Variants in ARHGAP45 observed in about 807,000 individuals in gnomAD.
ARHGAP45 encodes Rho GTPase activating protein 45, also known as rho GTPase-activating protein 45.
A neutral mutation model predicts 116.1 loss-of-function variants in ARHGAP45; 56 were observed. That is an observed-to-expected ratio of 0.48 (90% CI 0.39 to 0.60). ARHGAP45 has a LOEUF of 0.60. Among genes scored for constraint, ARHGAP45 ranks in the 20% least tolerant of loss-of-function variants. ARHGAP45 has a pLI of 0.00. For synonymous variants in ARHGAP45, 866 were observed against 701.7 expected (o/e 1.23, Z -3.70); for missense variants, 1,622 against 1,601.0 (o/e 1.01, Z -0.22).
rs1332814731 is a variant in ARHGAP45, at chr19:1,071,897, C to G, written c.422-1252C>G. 1 of 152,232 alleles carries G rather than the reference C, an allele frequency of 6.6e-6. No individual in the cohort carries two copies. The highest frequency in any genetic ancestry group is 1.5e-5 in the Non-Finnish European group (1 of 68,080). The allele number at this position is 152,232 out of a possible 1,614,324, so 9.4% of individuals were successfully genotyped here. A position where few individuals can be genotyped will look rare whatever the true frequency, so the allele number is the denominator to read the frequency against. On this transcript the variant is annotated intron_variant, in intron 2 of 22. Coordinates refer to ENST00000313093, the MANE Select transcript of ARHGAP45 (RefSeq NM_012292.5). The surrounding 1 kb of genome is among the most constrained non-coding windows in gnomAD (Gnocchi z 4.6). ...CGGTACAGTCAGGCGTCAAAGCTGC[C>G]CCTCCCGCTGGCCTCTGTCCTCCCG...
Position 1,074,886 on chromosome 19 carries a change from C to A in ARHGAP45, c.1185+7C>A, listed in dbSNP as rs1282670613. The stretch of plus-strand genomic sequence containing the variant: ...CCGTGCCCAGAGGAAGCTGGTGAGG[C>A]GGGCGGGCGGGGGCGGGCGGGGGCG... On this transcript the variant is annotated splice_region_variant and intron_variant, in intron 10 of 22. Transcript: ENST00000313093. 1.9e-5 allele frequency: 2 copies of A among 104,156 alleles called. No individual in the cohort carries two copies. The highest frequency in any genetic ancestry group is 8.9e-5 in the African/African-American group (1 of 11,268). The allele number at this position is 104,156 out of a possible 1,614,324, so 6.5% of individuals were successfully genotyped here. A position where few individuals can be genotyped will look rare whatever the true frequency, so the allele number is the denominator to read the frequency against.
At position 1,085,913 on chromosome 19, in the gene ARHGAP45, C is replaced by A. The variant is rs147739351; in HGVS notation, c.3318C>A (p.Asn1106Lys). Residue 1106 changes from asparagine (N) to lysine (K), a missense_variant, in exon 23 of 23, where the codon AAC becomes AAA. Transcript: ENST00000313093. Reference protein sequence around the residue: ...QLSGFNTNQSNNVLQAPLPPM... With the variant: ...QLSGFNTNQSKNVLQAPLPPM... ...CAGGATTCAACACCAACCAGTCCAA[C>A]AACGTGCTGCAGGCCCCACTGCCCC... 438 of 1,612,972 alleles carry A rather than the reference C, an allele frequency of 2.7e-4. 4 individuals are homozygous for A. The highest frequency in any genetic ancestry group is 1.7e-3 in the South Asian group (152 of 91,088).
Position 1,073,736 on chromosome 19 carries a change from A to C in ARHGAP45, c.713A>C (p.Asp238Ala). 1 of 1,592,028 alleles carries C rather than the reference A, an allele frequency of 6.3e-7. No homozygotes were observed. The highest frequency in any genetic ancestry group is 8.6e-7 in the Non-Finnish European group (1 of 1,169,072). The change falls in exon 5 of 23, where the codon GAC becomes GCC. Residue 238 changes from aspartate (D) to alanine (A), a missense_variant. By Grantham distance (126) the Asp-to-Ala change is moderately radical. This residue lies in a region of ARHGAP45 where 1,334 missense variants were observed against 1,263.8 expected (regional missense o/e 1.06). Transcript: ENST00000313093. Reference sequence around the variant, plus strand: ...ACCCTCCTAGCAGTGCCTCCTGGGGACTCGAGCCAGGTGAGTGGGGTGGGC... The same window carrying C: ...ACCCTCCTAGCAGTGCCTCCTGGGGCCTCGAGCCAGGTGAGTGGGGTGGGC... Reference protein sequence around the residue: ...SSTLLAVPPGDSSQSMESLYG... With the variant: ...SSTLLAVPPGASSQSMESLYG...
At chr19:1,084,108 G>T (rs2043526457) in intron 21 of ARHGAP45, 130 bp from the exon 22 acceptor site, 1 of 818,538 alleles carries the variant, frequency 1.2e-6, no homozygotes, top group Admixed American at 2.0e-5. Flanking sequence ...GTTTGCTCTT[G>T]GCTGAGGACA....
chr19:1,074,691 G>C lies in ARHGAP45; in HGVS notation c.1071G>C (p.Ala357=), dbSNP rs761422984. Residue 357 remains alanine (A), a synonymous_variant, in exon 9 of 23, where the codon GCG becomes GCC. Coordinates refer to ENST00000313093, the MANE Select transcript of ARHGAP45 (RefSeq NM_012292.5). ...DLEFGHSMVQ[A]VGTLQTQTFM... ...AGTTCGGCCACAGCATGGTGCAGGC[G>C]GTGGGCACCTTGCAGACCCAGACCT... is the stretch of plus-strand genomic sequence containing the variant. 2 of 1,610,792 alleles carry C rather than the reference G, an allele frequency of 1.2e-6. No homozygotes were observed. Among genetic ancestry groups the C allele is most frequent in the Non-Finnish European group, 8.5e-7 (1 of 1,179,336 alleles).
intron 19 of ARHGAP45, among the ~76,000 whole-genome samples, chr19:1,082,263 T>G (rs984614507): frequency 2.5e-5 from 2 of 79,180 alleles, no homozygotes; most frequent in Non-Finnish European, 2.2e-5. Flanking sequence ...GAGGCACACC[T>G]GACGCTGTGC....
chr19:1,066,298 G>T, upstream of ARHGAP45: 1 of 802,056 alleles, frequency 1.2e-6, no homozygotes, highest in South Asian at 1.8e-5. Context: ...TTGGGGGAAG[G>T]TAGGAGGCTG....
At chr19:1,073,868 G>A in intron 5 of ARHGAP45, 80 bp from the exon 6 acceptor site, 1 of 1,528,736 alleles carries the variant, frequency 6.5e-7, no homozygotes, top group East Asian at 2.4e-5. Flanking sequence ...CTCTGGGGGA[G>A]GCAGCAACCG....
intron 19 of ARHGAP45, 79 bp from the exon 20 acceptor site, chr19:1,082,761 C>T: frequency 1.6e-6 from 2 of 1,254,590 alleles, no homozygotes; most frequent in South Asian, 1.6e-5. Context: ...GGGGGTGGGG[C>T]TGAGGCTGGG....
intron 10 of ARHGAP45, chr19:1,077,239 G>C (rs1599760717): frequency 1.0e-6 from 1 of 985,402 alleles, no homozygotes; most frequent in African/African-American, 1.7e-5. Context: ...CGTGGGGGCT[G>C]GTGTGCGTGT....
At position 1,083,002 on chromosome 19, in the gene ARHGAP45, C is replaced by T; in HGVS notation, c.2680C>T (p.Leu894Phe). Residue 894 changes from leucine (L) to phenylalanine (F), a missense_variant, in exon 20 of 23, where the codon CTC (leucine) becomes TTC (phenylalanine). Around this residue, in one of 3 missense-constraint regions of ARHGAP45, gnomAD observed 1,334 missense variants for 1,263.8 expected, o/e 1.06. Transcript: ENST00000313093. Reference sequence around the variant, plus strand: ...GGCCCTGGCAGGTCGGCTGCGGGAGCTCCTGCGGGACCTGCCGCCTGAGAA... The same window carrying T: ...GGCCCTGGCAGGTCGGCTGCGGGAGTTCCTGCGGGACCTGCCGCCTGAGAA... ...AVALAGRLRE[L>F]LRDLPPENRA... The T allele has an allele frequency of 1.3e-6, 2 of 1,547,120 alleles. No homozygotes were observed. The highest frequency in any genetic ancestry group is 3.7e-4 in the Middle Eastern group (2 of 5,450).
rs371624464 is a variant in ARHGAP45, at chr19:1,071,030, C to T, written c.422-2119C>T. ...AGGGGACCCACATGGACGGTGCCAC[C>T]CCGACACTTCCCGGGCTTCCTCGTT... On this transcript the variant is annotated intron_variant, in intron 2 of 22. Transcript: ENST00000313093. The surrounding 1 kb of genome is among the most constrained non-coding windows in gnomAD (Gnocchi z 4.6). 1.3e-5 allele frequency among the ~76,000 whole-genome samples: 2 copies of T among 152,346 alleles called. No individual in the cohort carries two copies. The highest frequency in any genetic ancestry group is 3.9e-4 in the East Asian group (2 of 5,178).
chr19:1,080,592 C>T lies in ARHGAP45; in HGVS notation c.1912+45C>T, dbSNP rs890437249. 14 of 1,607,556 alleles carry T rather than the reference C, an allele frequency of 8.7e-6. No homozygotes were observed. The Admixed American group carries it at 1.2e-4, about 13-fold the overall frequency. ...GGGCTGGGGTGTGGAGCTGCCTCCT[C>T]TCCTGAGCCTCAGGGTTTCATCACC... On this transcript the variant is annotated intron_variant, in intron 15 of 22. Coordinates refer to ENST00000313093, the MANE Select transcript of ARHGAP45 (RefSeq NM_012292.5).
rs2043054368 is a variant in ARHGAP45 at position 1,067,314 on chromosome 19, G to A, written c.-92G>A. Reference sequence around the variant, plus strand: ...CCTGACAGCTGGGGAGGGGGTGGCCGGCGACAATGTGGTCCCGAAGCGGCC... The same window carrying A: ...CCTGACAGCTGGGGAGGGGGTGGCCAGCGACAATGTGGTCCCGAAGCGGCC... On this transcript the variant is annotated 5_prime_UTR_variant, in exon 1 of 23. Coordinates refer to ENST00000313093, the MANE Select transcript of ARHGAP45 (RefSeq NM_012292.5). 6 of 1,429,880 alleles carry A rather than the reference G, an allele frequency of 4.2e-6. No homozygotes were observed. The highest frequency in any genetic ancestry group is 3.0e-5 in the Admixed American group (1 of 32,818). 88.6% of individuals were successfully genotyped at this position (1,429,880 alleles called of 1,614,324 possible). A position where few individuals can be genotyped will look rare whatever the true frequency, so the allele number is the denominator to read the frequency against.
At chr19:1,081,411 C>G (rs1055830271) in intron 17 of ARHGAP45, 139 bp from the exon 18 acceptor site, 1 of 919,324 alleles carries the variant, frequency 1.1e-6, no homozygotes, top group Non-Finnish European at 1.6e-6. Context: ...GTGGAAGCCA[C>G]GAGCCACTGT....
At chr19:1,077,647 A>C in intron 10 of ARHGAP45, 7 of 1,431,256 alleles carry the variant, frequency 4.9e-6, no homozygotes, top group Non-Finnish European at 6.4e-6. Flanking sequence ...CGGCCTCCCA[A>C]AGTGCTGGGA....
Position 1,073,450 on chromosome 19 carries a change from G to A in ARHGAP45, c.566-56G>A, listed in dbSNP as rs985656711. ...TTAAGGGCTCCGGTCAGTTCTTGCA[G>A]GGATGGTCACCTCCCAGAGTGGGCC... On this transcript the variant is annotated intron_variant, in intron 3 of 22. Transcript: ENST00000313093. 3 of 1,586,750 alleles carry A rather than the reference G, an allele frequency of 1.9e-6. No homozygotes were observed. The African/African-American group carries it at 4.0e-5, about 21-fold the overall frequency.
chr19:1,081,987 C>A, intron 19 of ARHGAP45, 26 bp downstream of exon 19: 1 of 1,601,650 alleles, frequency 6.2e-7, no homozygotes, highest in Non-Finnish European at 8.5e-7. Context: ...GGTGGCCAGG[C>A]AGAGCCTGGA....
Position 1,082,985 on chromosome 19 carries a change from C to T in ARHGAP45, c.2663C>T (p.Ala888Val). 1.9e-6 allele frequency: 3 copies of T among 1,552,086 alleles called. No homozygotes were observed. Among genetic ancestry groups the T allele is most frequent in the Non-Finnish European group, 2.6e-6 (3 of 1,153,210 alleles). The change falls in exon 20 of 23, where the codon GCA (alanine) becomes GTA (valine). Residue 888 changes from alanine (A) to valine (V), a missense_variant. This residue lies in a region of ARHGAP45 where 1,334 missense variants were observed against 1,263.8 expected (regional missense o/e 1.06). Coordinates refer to ENST00000313093, the MANE Select transcript of ARHGAP45 (RefSeq NM_012292.5). ...AGCGAGGCAGTGGCGGTGGCCCTGG[C>T]AGGTCGGCTGCGGGAGCTCCTGCGG... ...SESEAVAVALAGRLRELLRDL... is the reference protein window; with the variant it reads ...SESEAVAVALVGRLRELLRDL...
Sources: allele counts gnomAD v4.1 joint callset (sites outside exome capture counted in the v4.1 genomes callset), GRCh38; gene constraint gnomAD v4.1.1; regional missense constraint gnomAD v4.1.1; non-coding constraint Gnocchi (gnomAD v3.1); transcripts MANE v1.5; gene names NCBI Gene and HGNC (gene_info 2026-07-23, HGNC 2026-07-21).